Variants in IGF2BP3 observed in about 807,000 individuals in gnomAD.
IGF2BP3 encodes insulin like growth factor 2 mRNA binding protein 3, also known as insulin-like growth factor 2 mRNA-binding protein 3.
In IGF2BP3, 9 loss-of-function variants were observed where a neutral mutation model predicts 73.8. The observed-to-expected ratio is 0.12, with a 90% CI of 0.07 to 0.21. The LOEUF is 0.21. Ranked by LOEUF, IGF2BP3 falls within the 10% of genes least tolerant of loss-of-function variation. The probability of loss-of-function intolerance (pLI) is 1.00; values close to 1 mark genes in which losing one functional copy is unlikely to be tolerated. For synonymous variants in IGF2BP3, 258 were observed against 256.7 expected (o/e 1.01, Z -0.05); for missense variants, 542 against 714.0 (o/e 0.76, Z 2.75).
chr7:23,463,408 C>A (rs919742053), intron 2 of IGF2BP3, among the ~76,000 whole-genome samples: 5 of 152,172 alleles, frequency 3.3e-5, no homozygotes, highest in Non-Finnish European at 5.9e-5. Flanking sequence ...AAGAGGTACA[C>A]AGGCAAAAAC....
chr7:23,339,772 C>T lies in IGF2BP3; in HGVS notation c.1203+2292G>A, dbSNP rs558648660. On this transcript the variant is annotated intron_variant, in intron 10 of 14. Transcript: ENST00000258729. ...TGCGAGCTTTCCTAGCACAGAGTTA[C>T]GTCACATGATCAGCTCATTGTACCT... Among the ~76,000 whole-genome samples, 16 of 152,270 alleles carry T rather than the reference C, an allele frequency of 1.1e-4. No individual in the cohort carries two copies. In the South Asian group the frequency reaches 1.2e-3, roughly 12 times the overall value.
intron 3 of IGF2BP3, among the ~76,000 whole-genome samples, chr7:23,393,965 C>T (rs773288884): frequency 6.6e-6 from 1 of 152,104 alleles, no homozygotes; most frequent in African/African-American, 2.4e-5. Context: ...GGAGGGTACA[C>T]AAATCCATAA....
At chr7:23,409,122 C>T (rs1433122242) in intron 3 of IGF2BP3, among the ~76,000 whole-genome samples, 1 of 152,150 alleles carries the variant, frequency 6.6e-6, no homozygotes, top group Non-Finnish European at 1.5e-5. Flanking sequence ...TGTCACTGAT[C>T]TGTCAGGAGG....
intron 10 of IGF2BP3, among the ~76,000 whole-genome samples, chr7:23,321,430 G>A (rs553461593): frequency 9.8e-5 from 15 of 152,312 alleles, no homozygotes; most frequent in Admixed American, 3.9e-4. Flanking sequence ...GTACGCCCAC[G>A]GAGTCTCGCT....
intron 10 of IGF2BP3, among the ~76,000 whole-genome samples, chr7:23,327,361 A>G (rs967365899): frequency 1.3e-5 from 2 of 150,286 alleles, no homozygotes; most frequent in East Asian, 3.9e-4. Context: ...GCTCACTGCA[A>G]GCTCCGCCTC....
chr7:23,354,110 C>T (rs775982038), intron 5 of IGF2BP3, among the ~76,000 whole-genome samples: 2 of 152,194 alleles, frequency 1.3e-5, no homozygotes, highest in African/African-American at 2.4e-5. Context: ...TCTCCTGCCT[C>T]GGCCTCCTGA....
chr7:23,424,390 C>G (rs189462764), intron 2 of IGF2BP3, among the ~76,000 whole-genome samples: 1 of 151,734 alleles, frequency 6.6e-6, no homozygotes, highest in Non-Finnish European at 1.5e-5. Context: ...CTCAGCTACT[C>G]GGGAGGCTGA....
At chr7:23,378,367 A>C (rs1243855659) in intron 3 of IGF2BP3, among the ~76,000 whole-genome samples, 1 of 151,184 alleles carries the variant, frequency 6.6e-6, no homozygotes, top group Non-Finnish European at 1.5e-5. Context: ...TCAAAAAAAA[A>C]AAAATGCCAG....
chr7:23,469,472 G>A lies in IGF2BP3; in HGVS notation c.175+464C>T, dbSNP rs1788654769. The A allele has an allele frequency of 6.6e-6, 1 of 152,404 alleles. No homozygotes were observed. Among genetic ancestry groups the A allele is most frequent in the Non-Finnish European group, 1.5e-5 (1 of 68,190 alleles). The allele number at this position is 152,404 out of a possible 1,614,324, so 9.4% of individuals were successfully genotyped here. On this transcript the variant is annotated intron_variant, in intron 1 of 14. Transcript: ENST00000258729. The surrounding 1 kb of genome is among the most constrained non-coding windows in gnomAD (Gnocchi z 6.1). ...CGGTCTCACTCGGCAGCACGGTCGA[G>A]GCCACTTTCCGTTCTCCACGGCCGG...
chr7:23,321,404 C>A (rs957784479), intron 10 of IGF2BP3, among the ~76,000 whole-genome samples: 3 of 152,232 alleles, frequency 2.0e-5, no homozygotes, highest in African/African-American at 7.2e-5. Context: ...ATATCCCGCA[C>A]CTGGCTCGGA....
intron 3 of IGF2BP3, among the ~76,000 whole-genome samples, chr7:23,401,827 C>T (rs982313243): frequency 2.0e-5 from 3 of 152,034 alleles, no homozygotes; most frequent in Non-Finnish European, 4.4e-5. Flanking sequence ...AGGCCGGGCA[C>T]GGTGGCTGAA....
At chr7:23,439,196 T>C (rs1012177869) in intron 2 of IGF2BP3, among the ~76,000 whole-genome samples, 1 of 152,070 alleles carries the variant, frequency 6.6e-6, no homozygotes, top group Non-Finnish European at 1.5e-5. Context: ...TGAGCTATGA[T>C]ACCACCATTG....
At chr7:23,455,428 C>T (rs566105341) in intron 2 of IGF2BP3, among the ~76,000 whole-genome samples, 27 of 152,266 alleles carry the variant, frequency 1.8e-4, no homozygotes, top group African/African-American at 6.3e-4. Context: ...TTTTCACATC[C>T]CTCTCTGAAT....
At chr7:23,392,800 T>C (rs1583982781) in intron 3 of IGF2BP3, among the ~76,000 whole-genome samples, 2 of 152,064 alleles carry the variant, frequency 1.3e-5, no homozygotes, top group African/African-American at 2.4e-5. Context: ...TGGCAAATTA[T>C]TGTACTTTTT....
chr7:23,368,555 T>C (rs977995356), intron 3 of IGF2BP3, among the ~76,000 whole-genome samples: 3 of 152,104 alleles, frequency 2.0e-5, no homozygotes, highest in African/African-American at 4.8e-5. Context: ...ATGTTTCTTT[T>C]TGAGGTGATG....
chr7:23,455,991 T>TA (rs1227454100), intron 2 of IGF2BP3, among the ~76,000 whole-genome samples: 1 of 152,128 alleles, frequency 6.6e-6, no homozygotes, highest in Non-Finnish European at 1.5e-5. Context: ...GGCAGGGTCT[T>TA]ACTCTTCTTT....
Position 23,447,642 on chromosome 7 carries a change from C to A in IGF2BP3, c.236+20840G>T, listed in dbSNP as rs188969754. On this transcript the variant is annotated intron_variant, in intron 2 of 14. Transcript: ENST00000258729. ...CTGTCTCAGAAAAAAACAACAACAA[C>A]AAAAAAATGAAGACCAAGGAACTGT... Among the ~76,000 whole-genome samples the A allele has an allele frequency of 9.1e-3, 1,374 of 151,624 alleles. 35 individuals carry two copies. The highest frequency in any genetic ancestry group is 0.062 in the Admixed American group (937 of 15,184).
At chr7:23,408,355 C>A (rs558023749) in intron 3 of IGF2BP3, among the ~76,000 whole-genome samples, 11 of 152,192 alleles carry the variant, frequency 7.2e-5, no homozygotes, top group Admixed American at 5.9e-4. Flanking sequence ...AACAAACTTT[C>A]AGAACTAGTA....
At chr7:23,465,409 G>A (rs1788543205) in intron 2 of IGF2BP3, among the ~76,000 whole-genome samples, 1 of 152,190 alleles carries the variant, frequency 6.6e-6, no homozygotes, top group African/African-American at 2.4e-5. Context: ...TTCCCCAACT[G>A]AGGGGTATCT....
Sources: allele counts gnomAD v4.1 joint callset (sites outside exome capture counted in the v4.1 genomes callset), GRCh38; gene constraint gnomAD v4.1.1; non-coding constraint Gnocchi (gnomAD v3.1); transcripts MANE v1.5; gene names NCBI Gene and HGNC (gene_info 2026-07-23, HGNC 2026-07-21).